Variants in ACSS3 observed in about 807,000 individuals in gnomAD.
ACSS3 encodes the protein acyl-CoA synthetase short chain family member 3, also known as acyl-CoA synthetase short-chain family member 3, mitochondrial.
ACSS3 carries 64 observed loss-of-function variants against 84.2 expected under a neutral mutation model. The ratio of observed to expected loss-of-function variants is 0.76; its 90% CI spans 0.62 to 0.94. The LOEUF (loss-of-function observed/expected upper bound fraction) is 0.94. ACSS3 is among the 40% of genes least tolerant of loss of function. ACSS3 has a pLI of 0.00. For synonymous variants in ACSS3, 317 were observed against 310.1 expected (o/e 1.02, Z -0.23); for missense variants, 815 against 867.6 (o/e 0.94, Z 0.76).
intron 8 of ACSS3, among the ~76,000 whole-genome samples, chr12:81,179,736 A>C (rs563621506): frequency 1.4e-5 from 2 of 139,998 alleles, no homozygotes; most frequent in Non-Finnish European, 3.0e-5. Flanking sequence ...GCGCCACTGC[A>C]CTCCAGCACT....
intron 7 of ACSS3, among the ~76,000 whole-genome samples, chr12:81,166,690 G>A (rs1486281674): frequency 6.6e-6 from 1 of 152,208 alleles, no homozygotes; most frequent in Non-Finnish European, 1.5e-5. Context: ...CCCCTTTTAT[G>A]AGGGCAATTT....
chr12:81,174,946 T>G lies in ACSS3; in HGVS notation c.1250+7T>G. 6.2e-7 allele frequency: 1 copy of G among 1,613,004 alleles called. No homozygotes were observed. Among genetic ancestry groups the G allele is most frequent in the Non-Finnish European group, 8.5e-7 (1 of 1,179,318 alleles). On this transcript the variant is annotated splice_region_variant and intron_variant, in intron 8 of 15. Coordinates refer to ENST00000548058, the MANE Select transcript of ACSS3 (RefSeq NM_024560.4). ...AGCAGTACTCTCTGACAAGGTGACG[T>G]TGGGATGCACAGGGCAAATGACATT...
At chr12:81,156,625 G>C (rs4842296) in intron 7 of ACSS3, among the ~76,000 whole-genome samples, 150,736 of 152,280 alleles carry the variant, frequency 0.99, 74,620 homozygotes, top group Middle Eastern at 1. Flanking sequence ...CACTAAAGAC[G>C]CTGCAGACAT....
chr12:81,253,483 C>G lies in ACSS3; in HGVS notation c.1820-12C>G, dbSNP rs773419150. The stretch of plus-strand genomic sequence containing the variant: ...GTTAATTCAGTGCTTACCATCTGAA[C>G]TTTCTCTCTAGATATAAATGCAACA... On this transcript the variant is annotated splice_polypyrimidine_tract_variant and intron_variant, in intron 14 of 15. Coordinates refer to ENST00000548058, the MANE Select transcript of ACSS3 (RefSeq NM_024560.4). 9.9e-6 allele frequency: 16 copies of G among 1,613,350 alleles called. No individual in the cohort carries two copies. Among genetic ancestry groups the G allele is most frequent in the Non-Finnish European group, 1.4e-5 (16 of 1,179,466 alleles).
chr12:81,102,624 C>T (rs1363246398), intron 1 of ACSS3, among the ~76,000 whole-genome samples: 1 of 151,708 alleles, frequency 6.6e-6, no homozygotes, highest in Non-Finnish European at 1.5e-5. Flanking sequence ...AGATAAAGAC[C>T]ATACTGGCCA....
At chr12:81,088,936 T>C (rs576824774) in intron 1 of ACSS3, among the ~76,000 whole-genome samples, 27 of 152,092 alleles carry the variant, frequency 1.8e-4, no homozygotes, top group Non-Finnish European at 3.2e-4. Context: ...TTTTAATTTT[T>C]TATTGTGTAT....
At chr12:81,204,606 GAT>G (rs1454126186) in intron 9 of ACSS3, among the ~76,000 whole-genome samples, 1 of 152,082 alleles carries the variant, frequency 6.6e-6, no homozygotes, top group Non-Finnish European at 1.5e-5. Flanking sequence ...CAGCTACAAA[GAT>G]AGAATACTCA....
At position 81,085,627 on chromosome 12, in the gene ACSS3, G is replaced by C. The variant is rs530331451; in HGVS notation, c.311+7196G>C. On this transcript the variant is annotated intron_variant, in intron 1 of 15. Transcript: ENST00000548058. The stretch of plus-strand genomic sequence containing the variant: ...AAATATCAAGGGAACTGTTCCGAAG[G>C]CAGGTTGCCAAATCTTGGCCAACCT... Among the ~76,000 whole-genome samples, 227 of 152,306 alleles carry C rather than the reference G, an allele frequency of 1.5e-3. 1 individual carries two copies. Among genetic ancestry groups the C allele is most frequent in the Admixed American group, 3.5e-3 (53 of 15,302 alleles).
intron 2 of ACSS3, among the ~76,000 whole-genome samples, chr12:81,123,348 A>G (rs1884799516): frequency 6.6e-6 from 1 of 152,178 alleles, no homozygotes; most frequent in South Asian, 2.1e-4. Context: ...AAGGCTAGAG[A>G]ATATATGTAA....
intron 13 of ACSS3, among the ~76,000 whole-genome samples, chr12:81,243,169 T>C (rs2033867789): frequency 6.6e-6 from 1 of 152,092 alleles, no homozygotes; most frequent in Non-Finnish European, 1.5e-5. Flanking sequence ...AGTCTCAGGA[T>C]ACAAAATCAA....
intron 5 of ACSS3, among the ~76,000 whole-genome samples, chr12:81,147,768 T>C (rs1886410074): frequency 1.3e-5 from 2 of 152,140 alleles, no homozygotes; most frequent in Non-Finnish European, 2.9e-5. Context: ...TTCATTTTTT[T>C]TCTCTGACGC....
intron 11 of ACSS3, among the ~76,000 whole-genome samples, chr12:81,221,940 G>A (rs1360077079): frequency 6.6e-6 from 1 of 152,050 alleles, no homozygotes; most frequent in Non-Finnish European, 1.5e-5. Flanking sequence ...TGCCAGCACA[G>A]TTTTAAACTC....
intron 5 of ACSS3, among the ~76,000 whole-genome samples, chr12:81,144,314 GT>G (rs141002209): frequency 0.021 from 3,154 of 152,188 alleles, 106 homozygotes; most frequent in African/African-American, 0.07. Flanking sequence ...ATAAATTTTT[GT>G]TGAATTCATA....
intron 8 of ACSS3, among the ~76,000 whole-genome samples, chr12:81,189,853 A>G (rs2031475180): frequency 6.6e-6 from 1 of 152,132 alleles, no homozygotes; most frequent in Non-Finnish European, 1.5e-5. Context: ...ATTTGTATGT[A>G]TGACATGAAG....
chr12:81,079,881 AT>A (rs1423453871), intron 1 of ACSS3, among the ~76,000 whole-genome samples: 2 of 152,192 alleles, frequency 1.3e-5, no homozygotes, highest in Non-Finnish European at 1.5e-5. Flanking sequence ...GATGAAGACT[AT>A]GTCTTTATAC....
At chr12:81,163,771 GT>G (rs1285874839) in intron 7 of ACSS3, among the ~76,000 whole-genome samples, 1 of 152,084 alleles carries the variant, frequency 6.6e-6, no homozygotes, top group African/African-American at 2.4e-5. Flanking sequence ...AAAGTTTAAA[GT>G]TTTTTAAAAA....
chr12:81,236,775 C>T (rs551404448), intron 13 of ACSS3, among the ~76,000 whole-genome samples: 14 of 151,288 alleles, frequency 9.3e-5, no homozygotes, highest in African/African-American at 2.4e-4. Context: ...TTTGTGAGAA[C>T]GTCTATGATT....
chr12:81,177,863 G>A (rs1165435121), intron 8 of ACSS3, among the ~76,000 whole-genome samples: 1 of 152,208 alleles, frequency 6.6e-6, no homozygotes, highest in Non-Finnish European at 1.5e-5. Flanking sequence ...TACACTGTTG[G>A]TGGGACTGTA....
At chr12:81,224,400 T>A (rs1452795334) in intron 11 of ACSS3, among the ~76,000 whole-genome samples, 1 of 151,962 alleles carries the variant, frequency 6.6e-6, no homozygotes, top group Non-Finnish European at 1.5e-5. Flanking sequence ...AAGAAAGGTG[T>A]TAATTTGGAA....
Sources: allele counts gnomAD v4.1 joint callset (sites outside exome capture counted in the v4.1 genomes callset), GRCh38; gene constraint gnomAD v4.1.1; transcripts MANE v1.5; gene names NCBI Gene and HGNC (gene_info 2026-07-23, HGNC 2026-07-21).